The following STARD13 variants were observed in gnomAD, a reference collection of about 807,000 sequenced individuals.
STARD13 encodes stAR-related lipid transfer protein 13.
STARD13 carries 62 observed loss-of-function variants against 106.4 expected under a neutral mutation model. The observed-to-expected ratio is 0.58, with a 90% CI of 0.48 to 0.72. The LOEUF is 0.72. Ranked by LOEUF, STARD13 falls within the 30% of genes least tolerant of loss-of-function variation. The pLI is 0.00. For synonymous variants in STARD13, 565 were observed against 553.0 expected (o/e 1.02, Z -0.31); for missense variants, 1,387 against 1,424.0 (o/e 0.97, Z 0.42).
the STARD13 span, among the ~76,000 whole-genome samples, chr13:33,504,239 G>T: frequency 2.6e-5 from 4 of 152,078 alleles, no homozygotes; most frequent in Non-Finnish European, 5.9e-5. Flanking sequence ...ATTTGACCCA[G>T]CCATCTCATT....
At chr13:33,327,725 TA>T (rs1463631949) in intron 1 of STARD13, among the ~76,000 whole-genome samples, 2 of 152,228 alleles carry the variant, frequency 1.3e-5, no homozygotes, top group Non-Finnish European at 2.9e-5. Context: ...TAAATAAGTA[TA>T]ATTTAAAAAG....
At chr13:33,164,938 C>A (rs1482479639) in intron 3 of STARD13, among the ~76,000 whole-genome samples, 1 of 152,204 alleles carries the variant, frequency 6.6e-6, no homozygotes, top group African/African-American at 2.4e-5. Flanking sequence ...CCTCACCACA[C>A]ATGCTGAGCC....
intron 1 of STARD13, among the ~76,000 whole-genome samples, chr13:33,282,204 G>A (rs1378539904): frequency 6.6e-6 from 1 of 151,924 alleles, no homozygotes. Flanking sequence ...AGGGATTATG[G>A]GCAGTATGAC....
chr13:33,601,805 T>C, the STARD13 span, among the ~76,000 whole-genome samples: 2 of 152,148 alleles, frequency 1.3e-5, no homozygotes, highest in Non-Finnish European at 2.9e-5. Flanking sequence ...TGCCCAGAAC[T>C]GTGAAGGACA....
At chr13:33,399,414 G>T in the STARD13 span, among the ~76,000 whole-genome samples, 3 of 152,152 alleles carry the variant, frequency 2.0e-5, no homozygotes, top group Admixed American at 6.5e-5. Context: ...AAAGCATTAG[G>T]CCAGGCATGG....
the STARD13 span, among the ~76,000 whole-genome samples, chr13:33,643,159 GCACACACACACA>G: frequency 1.1e-3 from 153 of 139,816 alleles, no homozygotes; most frequent in African/African-American, 2.7e-3. Context: ...CATAGAACAT[GCACACACACACA>G]CACACACACA....
At chr13:33,156,867 G>C (rs1159712128) in intron 3 of STARD13, among the ~76,000 whole-genome samples, 1 of 152,140 alleles carries the variant, frequency 6.6e-6, no homozygotes, top group Non-Finnish European at 1.5e-5. Context: ...ATAGACTCAA[G>C]ATTTTAAAGG....
chr13:33,441,131 C>G, the STARD13 span, among the ~76,000 whole-genome samples: 9 of 152,088 alleles, frequency 5.9e-5, no homozygotes, highest in African/African-American at 2.2e-4. Context: ...CAAAGATCAC[C>G]CATGACTCCT....
At chr13:33,498,916 T>C in the STARD13 span, among the ~76,000 whole-genome samples, 2 of 152,188 alleles carry the variant, frequency 1.3e-5, no homozygotes, top group Non-Finnish European at 2.9e-5. Context: ...GGCAGGCAGA[T>C]CACCTGAGGT....
the STARD13 span, among the ~76,000 whole-genome samples, chr13:33,508,838 T>C: frequency 1.3e-5 from 2 of 152,222 alleles, no homozygotes; most frequent in African/African-American, 4.8e-5. Flanking sequence ...AGTTTACTTA[T>C]ACAAACCTAG....
chr13:33,564,661 A>G, the STARD13 span, among the ~76,000 whole-genome samples: 2 of 147,286 alleles, frequency 1.4e-5, no homozygotes, highest in African/African-American at 5.1e-5. Context: ...GGATAAAGAA[A>G]ATGTATACCT....
intron 7 of STARD13, among the ~76,000 whole-genome samples, chr13:33,119,162 T>C (rs1044976349): frequency 1.3e-5 from 2 of 152,186 alleles, no homozygotes; most frequent in Non-Finnish European, 2.9e-5. Flanking sequence ...AGAGGAACTT[T>C]CTGTGCTGGA....
intron 1 of STARD13, among the ~76,000 whole-genome samples, chr13:33,337,769 T>A (rs1006013164): frequency 6.6e-6 from 1 of 152,168 alleles, no homozygotes; most frequent in Non-Finnish European, 1.5e-5. Context: ...ACAAAGCAAG[T>A]CATGGCTCTA....
chr13:33,620,911 T>C, the STARD13 span, among the ~76,000 whole-genome samples: 1 of 151,698 alleles, frequency 6.6e-6, no homozygotes, highest in African/African-American at 2.4e-5. Context: ...AAGGAAATAT[T>C]AGAAATCTTA....
chr13:33,130,327 C>T lies in STARD13; in HGVS notation c.388-38G>A, dbSNP rs536648831. On this transcript the variant is annotated intron_variant, in intron 4 of 13. Transcript: ENST00000336934. This position sits in a 1 kb window ranked among gnomAD's most constrained non-coding sequence, Gnocchi z 4.1. ...AAGGAAAATGCTCATTAGCAGACAG[C>T]GTGGCTGAAGCAGGAACTCTGGGTG... is the stretch of plus-strand genomic sequence containing the variant. 39 of 1,575,274 alleles carry T rather than the reference C, an allele frequency of 2.5e-5. No homozygotes were observed. The highest frequency in any genetic ancestry group is 1.8e-4 in the Middle Eastern group (1 of 5,422).
chr13:33,631,479 T>C, the STARD13 span, among the ~76,000 whole-genome samples: 12 of 152,344 alleles, frequency 7.9e-5, no homozygotes, highest in South Asian at 2.5e-3. Context: ...ATAAGAGATA[T>C]GGTTTCATCT....
At chr13:33,626,728 T>C in the STARD13 span, among the ~76,000 whole-genome samples, 1 of 152,228 alleles carries the variant, frequency 6.6e-6, no homozygotes, top group Non-Finnish European at 1.5e-5. Context: ...TGGTGCTATA[T>C]GCCAGCAGGC....
intron 4 of STARD13, among the ~76,000 whole-genome samples, chr13:33,132,671 C>G (rs1878487283): frequency 6.6e-6 from 1 of 152,032 alleles, no homozygotes; most frequent in Non-Finnish European, 1.5e-5. Context: ...GGCAACATAT[C>G]AAGACCCTGT....
At chr13:33,464,883 A>C in the STARD13 span, among the ~76,000 whole-genome samples, 1 of 152,094 alleles carries the variant, frequency 6.6e-6, no homozygotes, top group Non-Finnish European at 1.5e-5. Flanking sequence ...ATACCACATG[A>C]GGAGGTGTAG....
Sources: gnomAD v4.1 joint callset for allele counts (sites outside exome capture counted in the v4.1 genomes callset) on GRCh38, gnomAD v4.1.1 for gene constraint, Gnocchi (gnomAD v3.1) non-coding constraint, MANE v1.5 for transcripts, NCBI Gene and HGNC (gene_info 2026-07-23, HGNC 2026-07-21) for gene names.